Variants in MTUS2 observed in about 807,000 individuals in gnomAD.
MTUS2 encodes the protein microtubule-associated tumor suppressor candidate 2.
A neutral mutation model predicts 114.1 loss-of-function variants in MTUS2; 40 were observed. The observed-to-expected ratio is 0.35, with a 90% CI of 0.27 to 0.46. The LOEUF (loss-of-function observed/expected upper bound fraction) is 0.46, where lower values mean the gene tolerates loss of function less well. Ranked by LOEUF, MTUS2 falls within the 20% of genes least tolerant of loss-of-function variation. The pLI, the probability that MTUS2 is intolerant of heterozygous loss-of-function variation, is 1.00. For synonymous variants in MTUS2, 688 were observed against 672.0 expected, an observed-to-expected ratio of 1.02 and a Z score of -0.37; for missense variants, 1,679 against 1,705.4, an observed-to-expected ratio of 0.98 and a Z score of 0.27.
intron 2 of MTUS2, among the ~76,000 whole-genome samples, chr13:28,939,130 G>A (rs751141691): frequency 2.0e-5 from 3 of 152,022 alleles, no homozygotes; most frequent in Non-Finnish European, 4.4e-5. Context: ...ACAATGTTTC[G>A]CTTTTTACAT....
chr13:29,259,201 T>G (rs988469656), intron 5 of MTUS2, among the ~76,000 whole-genome samples: 6 of 152,236 alleles, frequency 3.9e-5, no homozygotes, highest in African/African-American at 1.4e-4. Context: ...GTGATAGTTC[T>G]GCCCCCGCAC....
intron 8 of MTUS2, among the ~76,000 whole-genome samples, chr13:29,373,156 A>G (rs1347872301): frequency 6.6e-6 from 1 of 152,148 alleles, no homozygotes; most frequent in Non-Finnish European, 1.5e-5. Context: ...AACTCCTAGA[A>G]CTCAGAGACA....
chr13:29,075,593 CA>C (rs977227569), intron 4 of MTUS2, among the ~76,000 whole-genome samples: 10 of 152,250 alleles, frequency 6.6e-5, no homozygotes, highest in Admixed American at 3.3e-4. Flanking sequence ...AAAGCCACAT[CA>C]AAAAAATCAC....
At chr13:28,971,629 G>A (rs1362920647) in intron 2 of MTUS2, among the ~76,000 whole-genome samples, 4 of 152,186 alleles carry the variant, frequency 2.6e-5, no homozygotes, top group African/African-American at 7.2e-5. Flanking sequence ...ATGGGGTGCA[G>A]ACATTACATT....
rs1593384801 is a variant in MTUS2 at position 29,389,258 on chromosome 13, C to CACAT, written c.3117+29786_3117+29787insCATA. Among the ~76,000 whole-genome samples the CACAT allele has an allele frequency of 5.7e-5, 6 of 105,552 alleles. No homozygotes were observed. In the East Asian group the frequency reaches 1.4e-3, roughly 25 times the overall value. The allele number at this position is 105,552 out of a possible 152,430, so 69.2% of individuals were successfully genotyped here. The stretch of plus-strand genomic sequence containing the variant: ...GTATGTGTGTATATATATGTATACA[C>CACAT]ATGTGTGTATATATGTATATATGTA... On this transcript the variant is annotated intron_variant, in intron 8 of 15. Transcript: ENST00000612955.
At chr13:28,913,969 C>A (rs938825085) in intron 2 of MTUS2, among the ~76,000 whole-genome samples, 25 of 152,052 alleles carry the variant, frequency 1.6e-4, no homozygotes, top group African/African-American at 5.8e-4. Context: ...TCCCCCTTAT[C>A]ATTTCTGATT....
chr13:29,060,565 T>TG (rs1189026872), intron 4 of MTUS2, among the ~76,000 whole-genome samples: 1 of 147,414 alleles, frequency 6.8e-6, no homozygotes, highest in African/African-American at 2.5e-5. Flanking sequence ...TTTTTTTTTT[T>TG]ACTATTTACT....
At chr13:29,248,614 C>T (rs955245339) in intron 5 of MTUS2, among the ~76,000 whole-genome samples, 2 of 152,050 alleles carry the variant, frequency 1.3e-5, no homozygotes, top group South Asian at 2.1e-4. Context: ...AGCTATTTGC[C>T]CTGATACTCT....
intron 5 of MTUS2, among the ~76,000 whole-genome samples, chr13:29,251,814 A>G (rs1484651379): frequency 3.9e-5 from 6 of 152,312 alleles, no homozygotes; most frequent in African/African-American, 1.2e-4. Context: ...CATATACCAC[A>G]TTTTGTTTAT....
chr13:28,843,408 G>C (rs74509016), intron 2 of MTUS2, among the ~76,000 whole-genome samples: 10,016 of 152,048 alleles, frequency 0.066, 564 homozygotes, highest in African/African-American at 0.15. Context: ...GAAGCACCGG[G>C]GTCACAAAGT....
chr13:29,273,739 C>A (rs1263681386), intron 5 of MTUS2, among the ~76,000 whole-genome samples: 1 of 152,162 alleles, frequency 6.6e-6, no homozygotes, highest in African/African-American at 2.4e-5. Context: ...CACTCATCAA[C>A]TTTCTGTCTC....
intron 2 of MTUS2, among the ~76,000 whole-genome samples, chr13:28,888,498 C>T (rs541899619): frequency 4.0e-4 from 61 of 151,288 alleles, no homozygotes; most frequent in Middle Eastern, 3.4e-3. Context: ...CTTGGCTCAC[C>T]GCAAACTTTG....
intron 2 of MTUS2, among the ~76,000 whole-genome samples, chr13:28,880,526 A>G (rs1172476381): frequency 1.3e-5 from 2 of 152,228 alleles, no homozygotes; most frequent in African/African-American, 4.8e-5. Context: ...AGCAAAGGTT[A>G]TAATAAAAGG....
intron 2 of MTUS2, among the ~76,000 whole-genome samples, chr13:28,996,906 C>G (rs1885139474): frequency 6.6e-6 from 1 of 152,036 alleles, no homozygotes; most frequent in African/African-American, 2.4e-5. Flanking sequence ...TCCTTCAGTT[C>G]TGCTCTGATC....
chr13:29,034,548 T>G (rs1357636913), intron 4 of MTUS2, among the ~76,000 whole-genome samples: 2 of 152,200 alleles, frequency 1.3e-5, no homozygotes, highest in Non-Finnish European at 2.9e-5. Flanking sequence ...TCACTGGGCA[T>G]GGGCTGCAAG....
chr13:29,413,439 C>A (rs375334185), intron 8 of MTUS2, among the ~76,000 whole-genome samples: 94 of 141,950 alleles, frequency 6.6e-4, no homozygotes, highest in East Asian at 3.3e-3. Flanking sequence ...GCAACAAAAG[C>A]CAAAATTGAC....
intron 2 of MTUS2, among the ~76,000 whole-genome samples, chr13:29,002,411 C>T (rs1262196352): frequency 2.0e-5 from 3 of 152,110 alleles, no homozygotes; most frequent in Non-Finnish European, 4.4e-5. Context: ...ACACTATATA[C>T]CCATATATAC....
At chr13:29,472,483 A>G (rs1318144717) in intron 9 of MTUS2, among the ~76,000 whole-genome samples, 1 of 152,166 alleles carries the variant, frequency 6.6e-6, no homozygotes, top group Non-Finnish European at 1.5e-5. Context: ...CACCTTGCGG[A>G]TGTTCCTGTG....
chr13:29,295,493 C>T (rs1048679387), intron 6 of MTUS2, among the ~76,000 whole-genome samples: 11 of 152,164 alleles, frequency 7.2e-5, no homozygotes, highest in African/African-American at 2.7e-4. Context: ...ACCTTTTTAG[C>T]TTCCACATGT....
Sources: allele counts gnomAD v4.1 joint callset (sites outside exome capture counted in the v4.1 genomes callset), GRCh38; gene constraint gnomAD v4.1.1; transcripts MANE v1.5; gene names NCBI Gene and HGNC (gene_info 2026-07-23, HGNC 2026-07-21).